Variants in PCDHA5 observed in about 807,000 individuals in gnomAD.
PCDHA5 encodes protocadherin alpha 5.
Under a neutral mutation model 61.6 loss-of-function variants are expected in PCDHA5, and 43 were observed. The observed-to-expected ratio is 0.70, with a 90% CI of 0.55 to 0.90. The LOEUF (loss-of-function observed/expected upper bound fraction) is 0.90, where lower values mean the gene tolerates loss of function less well. PCDHA5 is among the 40% of genes least tolerant of loss of function. The probability of loss-of-function intolerance (pLI) is 0.00; values close to 1 mark genes in which losing one functional copy is unlikely to be tolerated. For missense variants in PCDHA5, 1,298 were observed against 1,222.7 expected, an observed-to-expected ratio of 1.06 and a Z score of -0.92; for synonymous variants, 627 against 543.9, an observed-to-expected ratio of 1.15 and a Z score of -2.13.
At chr5:140,936,604 G>A (rs1186463181) in intron 1 of PCDHA5, among the ~76,000 whole-genome samples, 4 of 152,116 alleles carry the variant, frequency 2.6e-5, no homozygotes, top group South Asian at 2.1e-4. Context: ...TACTTTCCTC[G>A]CTGCTACTGT....
intron 1 of PCDHA5, chr5:140,877,170 G>A (rs782615376): frequency 6.2e-7 from 1 of 1,613,712 alleles, no homozygotes. Flanking sequence ...CGGCACTGCT[G>A]GCGACTCCGG....
intron 1 of PCDHA5, chr5:140,876,546 T>A (rs782795906): frequency 6.2e-7 from 1 of 1,614,218 alleles, no homozygotes; most frequent in Non-Finnish European, 8.5e-7. Context: ...TGTCGCTCCC[T>A]GTGCAAGAGG....
intron 1 of PCDHA5, among the ~76,000 whole-genome samples, chr5:140,838,783 A>G (rs1398229562): frequency 6.6e-6 from 1 of 152,002 alleles, no homozygotes; most frequent in Middle Eastern, 3.2e-3. Context: ...TTAGCTATGC[A>G]TGGTGATGCA....
At chr5:140,879,910 T>C (rs2058174335) in intron 1 of PCDHA5, among the ~76,000 whole-genome samples, 1 of 152,194 alleles carries the variant, frequency 6.6e-6, no homozygotes, top group Non-Finnish European at 1.5e-5. Context: ...TCTCTATGTG[T>C]TGGTTTTACA....
rs111298048 is a variant in PCDHA5 at position 140,841,325 on chromosome 5, G to A, written c.2352+17198G>A. ...TGATAGGAAACGACTATTTAACATG[G>A]ATTATCACTGGCGAGGAGAGCTGGG... On this transcript the variant is annotated intron_variant, in intron 1 of 3. Coordinates refer to ENST00000529859, the MANE Select transcript of PCDHA5 (RefSeq NM_018908.3). 9,405 of 1,608,142 alleles carry A rather than the reference G, an allele frequency of 5.8e-3. 135 individuals are homozygous for A. Among genetic ancestry groups the A allele is most frequent in the Non-Finnish European group, 7.0e-3 (8,183 of 1,176,604 alleles).
intron 1 of PCDHA5, chr5:140,836,292 C>T (rs1774344523): frequency 1.2e-6 from 2 of 1,613,782 alleles, no homozygotes; most frequent in Non-Finnish European, 1.7e-6. Context: ...GACACGAGCC[C>T]TAGATGAGAC....
chr5:140,821,624 A>G lies in PCDHA5; in HGVS notation c.-152A>G. 1 of 893,550 alleles carries G rather than the reference A, an allele frequency of 1.1e-6. No homozygotes were observed. The highest frequency in any genetic ancestry group is 1.7e-6 in the Non-Finnish European group (1 of 605,316). The allele number at this position is 893,550 out of a possible 1,614,324, so 55.4% of individuals were successfully genotyped here. A position where few individuals can be genotyped will look rare whatever the true frequency, so the allele number is the denominator to read the frequency against. ...GGAATACAGTGAGTAGATTTTCCTTAGACAGAAAGGAAAAGAACCTTCCAT... is the reference window on the plus strand; with the variant it reads ...GGAATACAGTGAGTAGATTTTCCTTGGACAGAAAGGAAAAGAACCTTCCAT... On this transcript the variant is annotated 5_prime_UTR_variant, in exon 1 of 4. Coordinates refer to ENST00000529859, the MANE Select transcript of PCDHA5 (RefSeq NM_018908.3).
intron 1 of PCDHA5, chr5:140,828,692 G>A (rs1373122002): frequency 1.2e-6 from 2 of 1,614,198 alleles, no homozygotes; most frequent in Non-Finnish European, 1.7e-6. Flanking sequence ...GAAATCCTTG[G>A]ACAGAGAGGA....
At chr5:140,938,709 T>C (rs1473474040) in intron 1 of PCDHA5, among the ~76,000 whole-genome samples, 2 of 152,176 alleles carry the variant, frequency 1.3e-5, no homozygotes, top group African/African-American at 2.4e-5. Context: ...ATGTTTATGA[T>C]AGAAACGCGT....
chr5:140,933,734 T>C (rs1355766834), intron 1 of PCDHA5, among the ~76,000 whole-genome samples: 2 of 152,062 alleles, frequency 1.3e-5, no homozygotes, highest in Admixed American at 6.5e-5. Flanking sequence ...CTTTCTTAAA[T>C]ATTTGGTAGA....
chr5:140,869,374 G>A, intron 1 of PCDHA5: 1 of 1,614,124 alleles, frequency 6.2e-7, no homozygotes, highest in Non-Finnish European at 8.5e-7. Context: ...TTCTCGGATC[G>A]ACCGCGAGGA....
At chr5:141,007,535 T>C (rs1588169762) in intron 3 of PCDHA5, among the ~76,000 whole-genome samples, 1 of 152,050 alleles carries the variant, frequency 6.6e-6, no homozygotes, top group South Asian at 2.1e-4. Context: ...GCCACTGCAC[T>C]CCAGCTTGGG....
At chr5:140,882,164 C>A in intron 1 of PCDHA5, 1 of 1,509,950 alleles carries the variant, frequency 6.6e-7, no homozygotes, top group Non-Finnish European at 8.9e-7. Flanking sequence ...ATACCTCTTG[C>A]GAATCCTTCC....
At chr5:140,941,210 T>TCTTC (rs1480454721) in intron 1 of PCDHA5, among the ~76,000 whole-genome samples, 3 of 100,630 alleles carry the variant, frequency 3.0e-5, no homozygotes, top group Non-Finnish European at 5.7e-5. Context: ...TTCCTTTCTT[T>TCTTC]CTTCCTTTCT....
intron 1 of PCDHA5, among the ~76,000 whole-genome samples, chr5:140,890,467 AT>A (rs1562850687): frequency 1.3e-5 from 2 of 152,154 alleles, no homozygotes; most frequent in African/African-American, 4.8e-5. Context: ...AAATATTTCA[AT>A]TTTTTGTGCG....
At chr5:140,906,443 G>GAAATAA (rs1554192538) in intron 1 of PCDHA5, among the ~76,000 whole-genome samples, 1 of 152,068 alleles carries the variant, frequency 6.6e-6, no homozygotes, top group Non-Finnish European at 1.5e-5. Flanking sequence ...AACAAGAAAG[G>GAAATAA]AAATAAAATG....
chr5:140,859,387 C>A, intron 1 of PCDHA5: 2 of 268,138 alleles, frequency 7.5e-6, no homozygotes, highest in South Asian at 8.3e-5. Context: ...CTTCTCTAGT[C>A]ATCTTAAACA....
At chr5:140,850,125 C>T (rs2041366317) in intron 1 of PCDHA5, 1 of 1,596,002 alleles carries the variant, frequency 6.3e-7, no homozygotes, top group Non-Finnish European at 8.6e-7. Context: ...GGGCGTGCCG[C>T]CTCTGGGCAG....
chr5:140,838,077 A>AGT (rs2150283763), intron 1 of PCDHA5, among the ~76,000 whole-genome samples: 1,310 of 80,648 alleles, frequency 0.016, 14 homozygotes, highest in South Asian at 0.044. Context: ...ATATATATAT[A>AGT]GTGTGTGTGT....
Sources: gnomAD v4.1 joint callset for allele counts (sites outside exome capture counted in the v4.1 genomes callset) on GRCh38, gnomAD v4.1.1 for gene constraint, MANE v1.5 for transcripts, NCBI Gene and HGNC (gene_info 2026-07-23, HGNC 2026-07-21) for gene names.